FA2H: variants seen among roughly 807,000 people sequenced by gnomAD.
The protein encoded by FA2H is fatty acid alpha-hydroxylase.
Under a neutral mutation model 44.9 loss-of-function variants are expected in FA2H, and 22 were observed. The observed-to-expected ratio is 0.49, with a 90% CI of 0.35 to 0.70. The LOEUF (loss-of-function observed/expected upper bound fraction) is 0.70, where lower values mean the gene tolerates loss of function less well. Ranked by LOEUF, FA2H falls within the 30% of genes least tolerant of loss-of-function variation. FA2H has a pLI of 0.01. For missense variants in FA2H, 501 were observed against 504.9 expected (o/e 0.99, Z 0.07); for synonymous variants, 243 against 213.2 (o/e 1.14, Z -1.22).
rs7193407 is a variant in FA2H, at chr16:74,716,331, A to C, written c.1039+16T>G. ...GAACACACATAGGGGGCTGGGAAGC[A>C]CAGGCCCATCCTCACCTGACTTCTG... On this transcript the variant is annotated intron_variant, in intron 6 of 6. Coordinates refer to ENST00000219368, the MANE Select transcript of FA2H (RefSeq NM_024306.5). 0.038 allele frequency: 61,705 copies of C among 1,612,490 alleles called. 2,413 individuals are homozygous for C. Among genetic ancestry groups the C allele is most frequent in the African/African-American group, 0.2 (14,994 of 74,778 alleles).
At chr16:74,749,805 C>T (rs954917428) in intron 1 of FA2H, among the ~76,000 whole-genome samples, 4 of 152,222 alleles carry the variant, frequency 2.6e-5, no homozygotes, top group African/African-American at 9.6e-5. Flanking sequence ...CTTAGCCCTC[C>T]AGCCTCTAAC....
intron 1 of FA2H, among the ~76,000 whole-genome samples, chr16:74,771,224 C>T (rs376733838): frequency 2.1e-4 from 32 of 152,136 alleles, no homozygotes; most frequent in Middle Eastern, 6.8e-3. Flanking sequence ...CAAAATCTTA[C>T]CTGTCACCCA....
chr16:74,769,399 C>CA (rs1962864826), intron 1 of FA2H, among the ~76,000 whole-genome samples: 1 of 152,180 alleles, frequency 6.6e-6, no homozygotes, highest in Admixed American at 6.5e-5. Flanking sequence ...GCCTGGCCCC[C>CA]ATTCCCTTTA....
intron 1 of FA2H, chr16:74,741,076 G>A (rs1205306347): frequency 6.6e-6 from 1 of 152,324 alleles, no homozygotes; most frequent in African/African-American, 2.4e-5. Context: ...AACGGGATGT[G>A]CTGGGAAAAG....
intron 1 of FA2H, among the ~76,000 whole-genome samples, chr16:74,749,968 G>A (rs1962500586): frequency 6.6e-6 from 1 of 152,224 alleles, no homozygotes; most frequent in African/African-American, 2.4e-5. Flanking sequence ...GAGCTTGTCA[G>A]GGTAAACAAG....
chr16:74,755,449 T>C (rs1447965466), intron 1 of FA2H, among the ~76,000 whole-genome samples: 1 of 152,082 alleles, frequency 6.6e-6, no homozygotes, highest in Non-Finnish European at 1.5e-5. Flanking sequence ...CAAAGTGCAT[T>C]TCTGTTGTTT....
At chr16:74,765,236 A>G (rs2144662920) in intron 1 of FA2H, among the ~76,000 whole-genome samples, 1 of 151,404 alleles carries the variant, frequency 6.6e-6, no homozygotes, top group South Asian at 2.1e-4. Flanking sequence ...GGCTCACTGC[A>G]ACCTCCGCCT....
chr16:74,738,176 C>T (rs1420212712), intron 2 of FA2H, among the ~76,000 whole-genome samples: 1 of 152,136 alleles, frequency 6.6e-6, no homozygotes, highest in Non-Finnish European at 1.5e-5. Flanking sequence ...CGTCTCAGCC[C>T]AGAGACACAG....
intron 1 of FA2H, among the ~76,000 whole-genome samples, chr16:74,771,732 C>G (rs933334): frequency 0.35 from 53,699 of 151,894 alleles, 9,949 homozygotes; most frequent in African/African-American, 0.42. Flanking sequence ...CCTCACCACA[C>G]AATGCTGAGT....
At chr16:74,747,333 AGAAAGAAAGAAAG>A (rs1962443711) in intron 1 of FA2H, among the ~76,000 whole-genome samples, 1 of 326 alleles carries the variant, frequency 3.1e-3, no homozygotes, top group South Asian at 0.25. Context: ...TAAATAAATA[AGAAAGAAAGAAAG>A]AAAGAAAGAA....
chr16:74,767,142 C>G (rs973182557), intron 1 of FA2H, among the ~76,000 whole-genome samples: 4 of 152,132 alleles, frequency 2.6e-5, no homozygotes, highest in African/African-American at 2.4e-5. Context: ...AACCCCGTCT[C>G]TACTAAAAAT....
chr16:74,773,113 C>G (rs1166826098), intron 1 of FA2H, among the ~76,000 whole-genome samples: 1 of 152,076 alleles, frequency 6.6e-6, no homozygotes, highest in East Asian at 1.9e-4. Context: ...TGGGCTCGAG[C>G]GATCCTCTTA....
chr16:74,714,025 C>T lies in FA2H; in HGVS notation c.*165G>A, dbSNP rs527578399. 39 of 603,052 alleles carry T rather than the reference C, an allele frequency of 6.5e-5. No homozygotes were observed. The highest frequency in any genetic ancestry group is 5.9e-4 in the African/African-American group (32 of 54,430). The allele number at this position is 603,052 out of a possible 1,614,324, so 37.4% of individuals were successfully genotyped here. On this transcript the variant is annotated 3_prime_UTR_variant, in exon 7 of 7. Coordinates refer to ENST00000219368, the MANE Select transcript of FA2H (RefSeq NM_024306.5). ...ACCCTCCTACCAGGGGTCAGGAGGG[C>T]GGTCCTGCCTCAGGGCCCCCTCAGC...
intron 1 of FA2H, 38 bp from the exon 2 acceptor site, chr16:74,740,153 G>A (rs1168077752): frequency 6.5e-7 from 1 of 1,545,068 alleles, no homozygotes; most frequent in Non-Finnish European, 8.9e-7. Context: ...TACACAGTGG[G>A]TGAGGGAAGA....
At chr16:74,748,501 G>A (rs1024072383) in intron 1 of FA2H, among the ~76,000 whole-genome samples, 7 of 151,280 alleles carry the variant, frequency 4.6e-5, no homozygotes, top group Admixed American at 1.3e-4. Flanking sequence ...CTGGACGGGC[G>A]GGGGGAGCAC....
At chr16:74,757,725 C>T (rs1962633996) in intron 1 of FA2H, among the ~76,000 whole-genome samples, 1 of 152,134 alleles carries the variant, frequency 6.6e-6, no homozygotes, top group Admixed American at 6.6e-5. Context: ...AAAGATAATA[C>T]TATATGTGTG....
intron 2 of FA2H, among the ~76,000 whole-genome samples, chr16:74,732,022 G>A (rs753072644): frequency 1.3e-5 from 2 of 152,034 alleles, no homozygotes; most frequent in Non-Finnish European, 2.9e-5. Flanking sequence ...ATAGGCTCAC[G>A]CCACCATGCC....
Position 74,716,788 on chromosome 16 carries a change from T to C in FA2H, c.787-189A>G, listed in dbSNP as rs56664536. 0.049 allele frequency: 25,644 copies of C among 522,150 alleles called. 1,380 individuals are homozygous for C. The highest frequency in any genetic ancestry group is 0.2 in the African/African-American group (10,572 of 51,682). The allele number at this position is 522,150 out of a possible 1,614,324, so 32.3% of individuals were successfully genotyped here. On this transcript the variant is annotated intron_variant, in intron 5 of 6. Transcript: ENST00000219368. Reference sequence around the variant, plus strand: ...GAAGATCTGGAGAGACTGTCTTACTTCCCATTTGTGAGCCAGGAAGGGACC... The same window carrying C: ...GAAGATCTGGAGAGACTGTCTTACTCCCCATTTGTGAGCCAGGAAGGGACC...
At chr16:74,748,669 G>A (rs1014572974) in intron 1 of FA2H, among the ~76,000 whole-genome samples, 1 of 152,124 alleles carries the variant, frequency 6.6e-6, no homozygotes, top group South Asian at 2.1e-4. Flanking sequence ...GACGGCGCAC[G>A]GGGGAGAGAA....
Sources: gnomAD v4.1 joint callset for allele counts (sites outside exome capture counted in the v4.1 genomes callset) on GRCh38, gnomAD v4.1.1 for gene constraint, MANE v1.5 for transcripts, NCBI Gene and HGNC (gene_info 2026-07-23, HGNC 2026-07-21) for gene names.